ZNF804B: variants seen among roughly 807,000 people sequenced by gnomAD.
ZNF804B encodes zinc finger protein 804B.
ZNF804B carries 80 observed loss-of-function variants against 101.4 expected under a neutral mutation model. That is an observed-to-expected ratio of 0.79 (90% CI 0.66 to 0.95). The LOEUF (loss-of-function observed/expected upper bound fraction) is 0.95, where lower values mean the gene tolerates loss of function less well. ZNF804B is among the 40% of genes least tolerant of loss of function. The probability of loss-of-function intolerance (pLI) is 0.00; values close to 1 mark genes in which losing one functional copy is unlikely to be tolerated. For synonymous variants in ZNF804B, 622 were observed against 558.8 expected (o/e 1.11, Z -1.59); for missense variants, 1,673 against 1,561.9 (o/e 1.07, Z -1.20).
intron 1 of ZNF804B, among the ~76,000 whole-genome samples, chr7:88,876,997 TGA>T (rs1491168813): frequency 3.5e-5 from 3 of 84,732 alleles, no homozygotes; most frequent in African/African-American, 2.5e-4. Flanking sequence ...AGAGAATATT[TGA>T]AAAAAAAAAT....
chr7:88,888,209 G>A lies in ZNF804B; in HGVS notation c.108+128125G>A, dbSNP rs1224150396. On this transcript the variant is annotated intron_variant, in intron 1 of 3. Coordinates refer to ENST00000333190, the MANE Select transcript of ZNF804B (RefSeq NM_181646.5). The stretch of plus-strand genomic sequence containing the variant: ...ACTTCGAGACCAGTCTGGCCAACAT[G>A]GCGAAACCCCATCTCTATGAAAAGT... Among the ~76,000 whole-genome samples, 4 of 152,124 alleles carry A rather than the reference G, an allele frequency of 2.6e-5. No individual in the cohort carries two copies. In the East Asian group the frequency reaches 7.8e-4, roughly 29 times the overall value.
intron 2 of ZNF804B, among the ~76,000 whole-genome samples, chr7:89,220,627 T>C (rs2115709024): frequency 6.6e-6 from 1 of 152,078 alleles, no homozygotes; most frequent in South Asian, 2.1e-4. Context: ...TCAAGATATA[T>C]GGTCATGCTT....
chr7:89,227,822 A>G (rs1789119433), intron 2 of ZNF804B, among the ~76,000 whole-genome samples: 1 of 152,172 alleles, frequency 6.6e-6, no homozygotes, highest in African/African-American at 2.4e-5. Flanking sequence ...TTGCCTTTGG[A>G]TGGCTTTCCA....
At chr7:89,275,618 C>G (rs1789968877) in intron 2 of ZNF804B, among the ~76,000 whole-genome samples, 1 of 151,908 alleles carries the variant, frequency 6.6e-6, no homozygotes, top group Admixed American at 6.6e-5. Flanking sequence ...TATTTCAGAT[C>G]TCTGATCCAA....
chr7:88,876,287 C>G (rs945465164), intron 1 of ZNF804B, among the ~76,000 whole-genome samples: 4 of 152,074 alleles, frequency 2.6e-5, no homozygotes. Flanking sequence ...GTGACTCTTT[C>G]CTATCACATT....
intron 1 of ZNF804B, among the ~76,000 whole-genome samples, chr7:88,804,629 T>C (rs1790657103): frequency 6.6e-6 from 1 of 152,170 alleles, no homozygotes; most frequent in Non-Finnish European, 1.5e-5. Context: ...AAAATCTTTG[T>C]GTAATAGCAA....
At chr7:88,957,949 G>A (rs575734612) in intron 1 of ZNF804B, among the ~76,000 whole-genome samples, 10 of 150,926 alleles carry the variant, frequency 6.6e-5, no homozygotes, top group Non-Finnish European at 1.0e-4. Flanking sequence ...TATATACAGA[G>A]TACTATTATA....
At chr7:89,047,502 T>C (rs1789128681) in intron 1 of ZNF804B, among the ~76,000 whole-genome samples, 1 of 152,202 alleles carries the variant, frequency 6.6e-6, no homozygotes, top group East Asian at 1.9e-4. Flanking sequence ...GTTGCCATTC[T>C]GACTGGCTGG....
chr7:88,794,508 T>C (rs1790442140), intron 1 of ZNF804B: 2 of 1,613,798 alleles, frequency 1.2e-6, no homozygotes, highest in South Asian at 2.2e-5. Context: ...AAACATGCCA[T>C]TGCATAAAAA....
intron 3 of ZNF804B, among the ~76,000 whole-genome samples, chr7:89,331,888 GA>G (rs1013473882): frequency 2.0e-5 from 3 of 151,150 alleles, no homozygotes; most frequent in Admixed American, 6.6e-5. Context: ...TAAATCAAGG[GA>G]AAAAAATGTA....
intron 2 of ZNF804B, among the ~76,000 whole-genome samples, chr7:89,281,368 T>C (rs1200579852): frequency 6.6e-6 from 1 of 152,198 alleles, no homozygotes; most frequent in East Asian, 1.9e-4. Flanking sequence ...TGAAAACATT[T>C]AAAGGTTACT....
chr7:89,082,635 AG>A (rs993166232), intron 1 of ZNF804B, among the ~76,000 whole-genome samples: 3 of 151,778 alleles, frequency 2.0e-5, no homozygotes, highest in African/African-American at 7.2e-5. Flanking sequence ...GATGAGGTAG[AG>A]GTGGACTTAT....
intron 1 of ZNF804B, among the ~76,000 whole-genome samples, chr7:88,980,611 T>A (rs552428917): frequency 6.6e-6 from 1 of 152,212 alleles, no homozygotes; most frequent in South Asian, 2.1e-4. Flanking sequence ...TCAGGAAGAA[T>A]TCTCTGGATT....
intron 1 of ZNF804B, among the ~76,000 whole-genome samples, chr7:88,975,591 T>G (rs1327298168): frequency 1.3e-5 from 2 of 151,564 alleles, no homozygotes; most frequent in Non-Finnish European, 3.0e-5. Flanking sequence ...AAATCTATAT[T>G]CAGATCATTG....
At chr7:89,053,031 G>T (rs1278909645) in intron 1 of ZNF804B, among the ~76,000 whole-genome samples, 1 of 152,072 alleles carries the variant, frequency 6.6e-6, no homozygotes, top group Non-Finnish European at 1.5e-5. Context: ...TATTCCAAAA[G>T]AATCGCCAAC....
intron 1 of ZNF804B, among the ~76,000 whole-genome samples, chr7:89,144,858 T>C (rs1790769815): frequency 6.6e-6 from 1 of 151,966 alleles, no homozygotes; most frequent in African/African-American, 2.4e-5. Context: ...TGGGTGCCTA[T>C]AATCCCAAGC....
intron 1 of ZNF804B, among the ~76,000 whole-genome samples, chr7:89,177,458 T>G (rs915812228): frequency 6.6e-6 from 1 of 152,212 alleles, no homozygotes; most frequent in African/African-American, 2.4e-5. Flanking sequence ...TGTAGTTTTA[T>G]TCCCTTGTGA....
chr7:89,212,624 G>C (rs985411437), intron 1 of ZNF804B, among the ~76,000 whole-genome samples: 9 of 152,276 alleles, frequency 5.9e-5, no homozygotes, highest in Non-Finnish European at 1.3e-4. Context: ...AAACAGGAAA[G>C]TGTTTGTTAT....
At chr7:89,019,557 C>G (rs1415255768) in intron 1 of ZNF804B, among the ~76,000 whole-genome samples, 1 of 151,962 alleles carries the variant, frequency 6.6e-6, no homozygotes, top group East Asian at 1.9e-4. Flanking sequence ...GATGAGCTAT[C>G]CAATTCTGAA....
Sources: gnomAD v4.1 joint callset for allele counts (sites outside exome capture counted in the v4.1 genomes callset) on GRCh38, gnomAD v4.1.1 for gene constraint, MANE v1.5 for transcripts, NCBI Gene and HGNC (gene_info 2026-07-23, HGNC 2026-07-21) for gene names.